The following SLC25A13 variants were observed in gnomAD, a reference collection of about 807,000 sequenced individuals.
SLC25A13 encodes the protein solute carrier family 25 member 13.
In SLC25A13, 70 loss-of-function variants were observed where a neutral mutation model predicts 85.5. The observed-to-expected ratio is 0.82, with a 90% confidence interval of 0.68 to 1.00. SLC25A13 has a LOEUF of 1.00. Among genes scored for constraint, SLC25A13 ranks in the 50% least tolerant of loss-of-function variants. The probability of loss-of-function intolerance (pLI) is 0.00; values close to 1 mark genes in which losing one functional copy is unlikely to be tolerated. For missense variants in SLC25A13, 765 were observed against 819.8 expected (o/e 0.93, Z 0.82); for synonymous variants, 259 against 288.7 (o/e 0.90, Z 1.04).
chr7:96,141,142 C>A (rs527727338), intron 14 of SLC25A13, among the ~76,000 whole-genome samples: 1 of 151,758 alleles, frequency 6.6e-6, no homozygotes, highest in African/African-American at 2.4e-5. Context: ...CCTGCCTCAG[C>A]CTCCCAAGTA....
intron 15 of SLC25A13, among the ~76,000 whole-genome samples, chr7:96,128,699 T>C (rs935407808): frequency 1.3e-5 from 2 of 151,260 alleles, no homozygotes; most frequent in Admixed American, 1.3e-4. Context: ...ATGGCACTTG[T>C]ATAACTATGT....
chr7:96,261,593 T>G (rs192769048), intron 3 of SLC25A13, among the ~76,000 whole-genome samples: 2 of 152,276 alleles, frequency 1.3e-5, no homozygotes, highest in Admixed American at 1.3e-4. Flanking sequence ...CTCAAAAACC[T>G]TCATTAAAAT....
intron 13 of SLC25A13, among the ~76,000 whole-genome samples, chr7:96,152,141 G>C (rs1162950459): frequency 6.6e-6 from 1 of 152,150 alleles, no homozygotes; most frequent in Admixed American, 6.5e-5. Flanking sequence ...ATGGCATGGA[G>C]AAGGGGTATG....
Position 96,202,076 on chromosome 7 carries a change from T to C in SLC25A13, c.468+6762A>G, listed in dbSNP as rs117489224. 7.5e-4 allele frequency among the ~76,000 whole-genome samples: 115 copies of C among 152,334 alleles called. 2 individuals are homozygous for C. The East Asian group carries it at 0.021, about 28-fold the overall frequency. ...AAAAGAAGTAGGCTGACCTCTACAC[T>C]GTGCTGACCAAGAAGCCAAAATAAT... is the stretch of plus-strand genomic sequence containing the variant. On this transcript the variant is annotated intron_variant, in intron 5 of 17. Transcript: ENST00000265631.
chr7:96,314,004 G>C (rs1236716062), intron 1 of SLC25A13, among the ~76,000 whole-genome samples: 1 of 151,990 alleles, frequency 6.6e-6, no homozygotes, highest in Non-Finnish European at 1.5e-5. Context: ...AGGGTAAAGT[G>C]TACTATCATT....
At chr7:96,209,009 A>G (rs1212694648) in intron 4 of SLC25A13, 32 bp from the exon 5 acceptor site, 1 of 1,610,124 alleles carries the variant, frequency 6.2e-7, no homozygotes. Context: ...TGATTAAAAC[A>G]AAGTAAATGA....
intron 2 of SLC25A13, among the ~76,000 whole-genome samples, chr7:96,294,624 GA>G (rs981289009): frequency 1.5e-5 from 2 of 136,798 alleles, no homozygotes; most frequent in East Asian, 4.3e-4. Context: ...AAAAAAAAAA[GA>G]AAAAAAAGAA....
chr7:96,187,282 G>T (rs928759628), intron 9 of SLC25A13, among the ~76,000 whole-genome samples: 2 of 152,132 alleles, frequency 1.3e-5, no homozygotes, highest in African/African-American at 4.8e-5. Context: ...AAAATAATCA[G>T]CAACCCCAGC....
rs530638958 is a variant in SLC25A13 at position 96,307,511 on chromosome 7, C to T, written c.16-10560G>A. ...TTGAGACCGCAGTGAGCCATAATCG[C>T]GCCACTGCACGCCAGCCTGGGTGAC... On this transcript the variant is annotated intron_variant, in intron 1 of 17. Transcript: ENST00000265631. Among the ~76,000 whole-genome samples the T allele has an allele frequency of 6.0e-5, 9 of 151,040 alleles. No homozygotes were observed. The South Asian group carries it at 6.3e-4, about 11-fold the overall frequency.
intron 13 of SLC25A13, among the ~76,000 whole-genome samples, chr7:96,161,965 T>C (rs972740049): frequency 1.3e-5 from 2 of 152,246 alleles, no homozygotes; most frequent in Non-Finnish European, 2.9e-5. Flanking sequence ...ATAGCATCAC[T>C]ATAATGCATA....
intron 3 of SLC25A13, among the ~76,000 whole-genome samples, chr7:96,237,675 C>A (rs1796795427): frequency 6.6e-6 from 1 of 151,758 alleles, no homozygotes; most frequent in African/African-American, 2.4e-5. Flanking sequence ...GAGTGGGGGC[C>A]CTAGGAATGG....
intron 1 of SLC25A13, among the ~76,000 whole-genome samples, chr7:96,316,032 G>A (rs973029000): frequency 1.6e-4 from 25 of 152,062 alleles, no homozygotes; most frequent in Admixed American, 1.6e-3. Flanking sequence ...GCTGCGGTGG[G>A]AGGATCTCTT....
chr7:96,134,583 T>C (rs1792183384), intron 14 of SLC25A13, among the ~76,000 whole-genome samples: 1 of 151,822 alleles, frequency 6.6e-6, no homozygotes, highest in African/African-American at 2.4e-5. Context: ...GAAGAATCAG[T>C]TGGGTCTTCT....
intron 13 of SLC25A13, among the ~76,000 whole-genome samples, chr7:96,164,287 T>C (rs1159143033): frequency 6.6e-6 from 1 of 152,192 alleles, no homozygotes; most frequent in Non-Finnish European, 1.5e-5. Context: ...GGAGAACCTG[T>C]TCCCCCAGCC....
At chr7:96,194,677 C>T (rs980410635) in intron 5 of SLC25A13, among the ~76,000 whole-genome samples, 1 of 152,080 alleles carries the variant, frequency 6.6e-6, no homozygotes, top group African/African-American at 2.4e-5. Flanking sequence ...AGTACTCGAT[C>T]TTCCTTTCCT....
intron 3 of SLC25A13, among the ~76,000 whole-genome samples, chr7:96,254,547 T>G (rs1420137139): frequency 6.6e-6 from 1 of 152,226 alleles, no homozygotes; most frequent in Non-Finnish European, 1.5e-5. Context: ...TTTGTCTCTC[T>G]TTATATAAAT....
Position 96,277,464 on chromosome 7 carries a change from T to G in SLC25A13, c.70-126A>C, listed in dbSNP as rs937970358. The G allele has an allele frequency of 5.7e-6, 5 of 877,318 alleles. No homozygotes were observed. In the Admixed American group the frequency reaches 1.2e-4, roughly 21 times the overall value. 54.3% of individuals were successfully genotyped at this position (877,318 alleles called of 1,614,324 possible). A position where few individuals can be genotyped will look rare whatever the true frequency, so the allele number is the denominator to read the frequency against. On this transcript the variant is annotated intron_variant, in intron 2 of 17. Coordinates refer to ENST00000265631, the MANE Select transcript of SLC25A13 (RefSeq NM_014251.3). ...AAATATCAGATATGATCATGTACGCTTCATAATGACCATTATCTCCCAACA... is the reference window on the plus strand; with the variant it reads ...AAATATCAGATATGATCATGTACGCGTCATAATGACCATTATCTCCCAACA...
At chr7:96,198,920 A>G (rs1268070813) in intron 5 of SLC25A13, among the ~76,000 whole-genome samples, 1 of 152,232 alleles carries the variant, frequency 6.6e-6, no homozygotes, top group Admixed American at 6.5e-5. Context: ...AGTGAGTTTC[A>G]GTTATAAACA....
At chr7:96,142,359 T>C (rs893097391) in intron 14 of SLC25A13, among the ~76,000 whole-genome samples, 3 of 152,226 alleles carry the variant, frequency 2.0e-5, no homozygotes, top group Non-Finnish European at 2.9e-5. Context: ...ATGTGATATC[T>C]GGTTTTCTGT....
Sources: allele counts gnomAD v4.1 joint callset (sites outside exome capture counted in the v4.1 genomes callset), GRCh38; gene constraint gnomAD v4.1.1; transcripts MANE v1.5; gene names NCBI Gene and HGNC (gene_info 2026-07-23, HGNC 2026-07-21).